STIMATE: variants seen among roughly 807,000 people sequenced by gnomAD.
The protein encoded by STIMATE is STIM activating enhancer.
STIMATE carries 15 observed loss-of-function variants against 36.7 expected under a neutral mutation model. The observed-to-expected ratio is 0.41, with a 90% confidence interval of 0.27 to 0.63. STIMATE has a LOEUF of 0.63. STIMATE is among the 20% of genes least tolerant of loss of function. STIMATE has a pLI of 0.32. For missense variants in STIMATE, 305 were observed against 397.3 expected, an observed-to-expected ratio of 0.77 and a Z score of 1.98; for synonymous variants, 163 against 162.3, an observed-to-expected ratio of 1.00 and a Z score of -0.03.
At chr3:52,844,474 G>A (rs1048793384) in intron 5 of STIMATE, among the ~76,000 whole-genome samples, 1 of 152,222 alleles carries the variant, frequency 6.6e-6, no homozygotes, top group Non-Finnish European at 1.5e-5. Context: ...GGCACCACAT[G>A]GCTCAGTTAA....
At chr3:52,879,854 A>C (rs1701572123) in intron 1 of STIMATE, among the ~76,000 whole-genome samples, 1 of 152,156 alleles carries the variant, frequency 6.6e-6, no homozygotes, top group Admixed American at 6.5e-5. Context: ...GTGGAAAAGG[A>C]GCTCTGCCTC....
At chr3:52,843,298 C>G in intron 6 of STIMATE, 1 of 400,380 alleles carries the variant, frequency 2.5e-6, no homozygotes, top group Non-Finnish European at 4.6e-6. Context: ...GTGGCCGGCA[C>G]ACCCTGCTGT....
chr3:52,867,163 C>A (rs1246446803), intron 1 of STIMATE, among the ~76,000 whole-genome samples: 4 of 152,242 alleles, frequency 2.6e-5, no homozygotes, highest in East Asian at 1.9e-4. Flanking sequence ...CCTGGCAGGG[C>A]TCTTGGCACA....
intron 1 of STIMATE, among the ~76,000 whole-genome samples, chr3:52,858,524 C>G (rs1187857508): frequency 3.9e-5 from 6 of 152,070 alleles, no homozygotes; most frequent in African/African-American, 1.4e-4. Flanking sequence ...CTCGGGGAGG[C>G]TGAGTTGGGA....
chr3:52,887,378 A>G (rs962175689), intron 1 of STIMATE, among the ~76,000 whole-genome samples: 1 of 152,212 alleles, frequency 6.6e-6, no homozygotes, highest in African/African-American at 2.4e-5. Context: ...TGGCTGGTGG[A>G]CCGGACCCAG....
chr3:52,882,670 T>C (rs1267509984), intron 1 of STIMATE, among the ~76,000 whole-genome samples: 1 of 152,166 alleles, frequency 6.6e-6, no homozygotes, highest in African/African-American at 2.4e-5. Flanking sequence ...AAATTTCCTT[T>C]CCCCTATTCT....
intron 1 of STIMATE, among the ~76,000 whole-genome samples, chr3:52,874,598 C>A (rs1251278851): frequency 6.6e-6 from 1 of 152,174 alleles, no homozygotes; most frequent in Non-Finnish European, 1.5e-5. Context: ...TGGTAGCTCA[C>A]ACCTGTAATC....
At chr3:52,845,866 TG>T (rs1700887561) in intron 4 of STIMATE, among the ~76,000 whole-genome samples, 1 of 137,256 alleles carries the variant, frequency 7.3e-6, no homozygotes, top group African/African-American at 2.8e-5. Flanking sequence ...GGGCTCACCC[TG>T]GAAGTTCTGC....
intron 1 of STIMATE, among the ~76,000 whole-genome samples, chr3:52,896,587 G>C (rs1575355583): frequency 6.6e-6 from 1 of 152,184 alleles, no homozygotes; most frequent in Admixed American, 6.5e-5. Context: ...AGTGGAAAGG[G>C]AACAGCCAGG....
intron 1 of STIMATE, among the ~76,000 whole-genome samples, chr3:52,879,331 G>A (rs1339908894): frequency 2.6e-5 from 4 of 152,132 alleles, no homozygotes; most frequent in African/African-American, 9.7e-5. Flanking sequence ...AGGAGGCTTG[G>A]GACCTTAACA....
At position 52,856,025 on chromosome 3, in the gene STIMATE, T is replaced by C. The variant is rs140589245; in HGVS notation, c.161-581A>G. 4.6e-3 allele frequency among the ~76,000 whole-genome samples: 699 copies of C among 152,242 alleles called. 1 individual carries two copies. Among genetic ancestry groups the C allele is most frequent in the Non-Finnish European group, 7.7e-3 (525 of 68,022 alleles). On this transcript the variant is annotated intron_variant, in intron 1 of 7. Coordinates refer to ENST00000355083, the MANE Select transcript of STIMATE (RefSeq NM_198563.5). ...TGTTTGTGTATCTTCCATCTTCCAG[T>C]GAAGAAGAGACTTTACTGATGGGGG... is the stretch of plus-strand genomic sequence containing the variant.
intron 1 of STIMATE, among the ~76,000 whole-genome samples, chr3:52,860,126 TAAA>T (rs11295589): frequency 1.5e-5 from 2 of 135,460 alleles, no homozygotes; most frequent in Non-Finnish European, 1.6e-5. Flanking sequence ...GTAAAGGGGG[TAAA>T]AAAAAAAAAA....
rs1184740499 is a variant in STIMATE, at chr3:52,859,685, A to G, written c.161-4241T>C. Among the ~76,000 whole-genome samples the G allele has an allele frequency of 2.6e-5, 4 of 151,332 alleles. No homozygotes were observed. In the East Asian group the frequency reaches 5.8e-4, roughly 22 times the overall value. ...AGTGAAACCCTGATTCAAAAAAAAA[A>G]GAGAGAAAAAAAGAAAAAAATCCAA... is the stretch of plus-strand genomic sequence containing the variant. On this transcript the variant is annotated intron_variant, in intron 1 of 7. Transcript: ENST00000355083.
intron 4 of STIMATE, 31 bp downstream of exon 4, chr3:52,849,761 C>G: frequency 2.5e-6 from 4 of 1,602,160 alleles, no homozygotes; most frequent in Non-Finnish European, 3.4e-6. Flanking sequence ...GCAGTTCCCT[C>G]ACGCCCTGTC....
chr3:52,874,503 C>CT (rs1479706548), intron 1 of STIMATE, among the ~76,000 whole-genome samples: 13 of 152,268 alleles, frequency 8.5e-5, no homozygotes, highest in African/African-American at 3.1e-4. Flanking sequence ...CTTTCACTTT[C>CT]TATGCTATGT....
rs552464161 is a variant in STIMATE at position 52,861,583 on chromosome 3, G to C, written c.161-6139C>G. ...GGGGCTGCTATGACCGGCTAGGCAC[G>C]TTGTCTCCAGGATTAAATGAGAAGA... is the stretch of plus-strand genomic sequence containing the variant. On this transcript the variant is annotated intron_variant, in intron 1 of 7. Transcript: ENST00000355083. Among the ~76,000 whole-genome samples the C allele has an allele frequency of 5.3e-5, 8 of 152,326 alleles. No homozygotes were observed. In the South Asian group the frequency reaches 1.7e-3, roughly 32 times the overall value.
intron 3 of STIMATE, 84 bp from the exon 4 acceptor site, chr3:52,849,997 C>T (rs1175204683): frequency 1.7e-5 from 26 of 1,504,006 alleles, no homozygotes; most frequent in South Asian, 3.9e-5. Context: ...CTGAGGGAAG[C>T]GGATGGACCC....
rs142128666 is a variant in STIMATE at position 52,847,593 on chromosome 3, C to G, written c.427+2199G>C. The G allele has an allele frequency of 5.4e-5, 68 of 1,265,344 alleles. No individual in the cohort carries two copies. The African/African-American group carries it at 9.0e-4, about 17-fold the overall frequency. 78.4% of individuals were successfully genotyped at this position (1,265,344 alleles called of 1,614,324 possible). ...CATCCTAGAAAAATAAGCCCCTCTT[C>G]TTCATTTACATGAGAAGAGAGCTGT... On this transcript the variant is annotated intron_variant, in intron 4 of 7. Transcript: ENST00000355083.
chr3:52,850,404 C>A, intron 3 of STIMATE, among the ~76,000 whole-genome samples: 1 of 150,882 alleles, frequency 6.6e-6, no homozygotes, highest in East Asian at 2.0e-4. Flanking sequence ...TGCACTCCAG[C>A]GTGGTGACAC....
Sources: gnomAD v4.1 joint callset for allele counts (sites outside exome capture counted in the v4.1 genomes callset) on GRCh38, gnomAD v4.1.1 for gene constraint, MANE v1.5 for transcripts, NCBI Gene and HGNC (gene_info 2026-07-23, HGNC 2026-07-21) for gene names.